CFAP74: variants seen among roughly 807,000 people sequenced by gnomAD.
The protein encoded by CFAP74 is cilia- and flagella-associated protein 74.
Under a neutral mutation model 188.9 loss-of-function variants are expected in CFAP74, and 124 were observed. The ratio of observed to expected loss-of-function variants is 0.66; its 90% CI spans 0.57 to 0.76. CFAP74 has a LOEUF of 0.76. CFAP74 is among the 30% of genes least tolerant of loss of function. The pLI, the probability that CFAP74 is intolerant of heterozygous loss-of-function variation, is 0.00. For missense variants in CFAP74, 2,198 were observed against 2,165.2 expected, an observed-to-expected ratio of 1.02 and a Z score of -0.30; for synonymous variants, 956 against 916.7, an observed-to-expected ratio of 1.04 and a Z score of -0.77.
Position 1,923,682 on chromosome 1 carries a change from C to T in CFAP74, c.4389+93G>A. 6 of 1,580,480 alleles carry T rather than the reference C, an allele frequency of 3.8e-6. No homozygotes were observed. Among genetic ancestry groups the T allele is most frequent in the East Asian group, 2.2e-5 (1 of 44,728 alleles). On this transcript the variant is annotated intron_variant, in intron 35 of 38. Coordinates refer to ENST00000682832, the MANE Select transcript of CFAP74 (RefSeq NM_001304360.2). This position sits in a 1 kb window ranked among gnomAD's most constrained non-coding sequence, Gnocchi z 6.3. ...CTGAGTCCCCCAGCCATGGTACCCT[C>T]AGGGCCTCCAAAGTGGAGCAGTGCA...
At chr1:1,938,611 T>C (rs1223551471) in intron 25 of CFAP74, among the ~76,000 whole-genome samples, 2 of 151,986 alleles carry the variant, frequency 1.3e-5, no homozygotes, top group Admixed American at 1.3e-4. Context: ...CTCATATACA[T>C]ACACACCCAC....
chr1:1,944,342 G>A lies in CFAP74; in HGVS notation c.2475C>T (p.Leu825=), dbSNP rs58650322. ...MYDRLYQDSV[L]VHTRSKAALR... The stretch of plus-strand genomic sequence containing the variant: ...AGGAGGGGGCTCACCGCGTGTGCAC[G>A]AGCACAGAGTCCTGGTAGAGCCGGT... Residue 825 remains leucine, a synonymous_variant, in exon 21 of 39, where the codon CTC becomes CTT. Transcript: ENST00000682832. 196 of 1,535,038 alleles carry A rather than the reference G, an allele frequency of 1.3e-4. No individual in the cohort carries two copies. The African/African-American group carries it at 2.3e-3, about 18-fold the overall frequency.
intron 23 of CFAP74, 38 bp downstream of exon 23, chr1:1,940,278 G>A: frequency 6.8e-7 from 1 of 1,477,680 alleles, no homozygotes; most frequent in Non-Finnish European, 9.1e-7. Context: ...TGCTACCCAG[G>A]AGCGCCCAGC....
chr1:1,922,652 G>A lies in CFAP74; in HGVS notation c.4755C>T (p.Gly1585=). 6.2e-7 allele frequency: 1 copy of A among 1,603,156 alleles called. No homozygotes were observed. The highest frequency in any genetic ancestry group is 1.1e-5 in the South Asian group (1 of 90,170). ...TCTTCGTCTGGCCGCGCTCCACGGA[G>A]CCCCTGGAGGGCTCAATAGAGAAAC... is the stretch of plus-strand genomic sequence containing the variant. ...HKGFSIEPSR[G]SVERGQTKTI... is the part of the protein sequence containing the mutation. The change falls in exon 38 of 39, where the codon GGC becomes GGT. Residue 1585 remains glycine, a synonymous_variant. Transcript: ENST00000682832.
At chr1:1,978,573 T>C (rs28588737) in intron 6 of CFAP74, among the ~76,000 whole-genome samples, 46,290 of 151,946 alleles carry the variant, frequency 0.3, 7,305 homozygotes, top group Non-Finnish European at 0.34. Flanking sequence ...AGATGGGACC[T>C]GGCTGGTTTT....
In CFAP74 at chr1:1,922,640, G is replaced by T; in HGVS notation, c.4767C>A (p.Arg1589=). 6.2e-7 allele frequency: 1 copy of T among 1,604,236 alleles called. No homozygotes were observed. Among genetic ancestry groups the T allele is most frequent in the Non-Finnish European group, 8.5e-7 (1 of 1,174,924 alleles). The change falls in exon 38 of 39, where the codon CGC becomes CGA. Residue 1589 remains arginine (R), a synonymous_variant. Transcript: ENST00000682832. ...SIEPSRGSVE[R]GQTKTISISW... ...AGATGCTGATGGTCTTCGTCTGGCC[G>T]CGCTCCACGGAGCCCCTGGAGGGCT...
chr1:1,969,916 C>T (rs867052427), intron 10 of CFAP74, among the ~76,000 whole-genome samples: 9 of 152,186 alleles, frequency 5.9e-5, no homozygotes, highest in Middle Eastern at 3.2e-3. Context: ...GCCAGGCTCC[C>T]GGGATGAGGG....
At chr1:1,953,276 T>A (rs1259067280) in intron 18 of CFAP74, 4 of 151,364 alleles carry the variant, frequency 2.6e-5, no homozygotes, top group Admixed American at 1.3e-4. Flanking sequence ...AAGCTCATGC[T>A]TATATGGTCA....
In CFAP74 at chr1:1,923,455, G is replaced by C; in HGVS notation, c.4434C>G (p.His1478Gln). 1 of 1,611,792 alleles carries C rather than the reference G, an allele frequency of 6.2e-7. No individual in the cohort carries two copies. The change falls in exon 36 of 39, where the codon CAC (histidine) becomes CAG (glutamine). Residue 1478 changes from histidine (H) to glutamine (Q), a missense_variant. His to Gln is a conservative substitution (Grantham distance 24). Coordinates refer to ENST00000682832, the MANE Select transcript of CFAP74 (RefSeq NM_001304360.2). This position sits in a 1 kb window ranked among gnomAD's most constrained non-coding sequence, Gnocchi z 6.3. ...QILLKGAACQ[H>Q]MMFVEGGDPL... is the part of the protein sequence containing the mutation. ...GGTCGCCGCCCTCCACGAACATCAT[G>C]TGCTGACAGGCGGCACCCTTCAGCA...
intron 11 of CFAP74, among the ~76,000 whole-genome samples, chr1:1,967,414 A>C (rs2102072532): frequency 6.6e-6 from 1 of 150,382 alleles, no homozygotes; most frequent in Middle Eastern, 3.4e-3. Context: ...GGTGCCACAG[A>C]AAATCGCAGG....
intron 34 of CFAP74, 150 bp from the exon 35 acceptor site, chr1:1,924,079 T>G: frequency 2.0e-6 from 1 of 491,518 alleles, no homozygotes; most frequent in Non-Finnish European, 3.0e-6. Context: ...CGCCCCCCAC[T>G]CCTCCCATGG....
chr1:1,938,205 T>TTA (rs1653061387), intron 25 of CFAP74, among the ~76,000 whole-genome samples: 8 of 124,662 alleles, frequency 6.4e-5, no homozygotes, highest in African/African-American at 2.3e-4. Context: ...AGTCACATGC[T>TTA]CACACATACA....
chr1:1,930,483 CGCT>C (rs1192978915), intron 25 of CFAP74, 147 bp from the exon 26 acceptor site: 1 of 756,114 alleles, frequency 1.3e-6, no homozygotes. Flanking sequence ...GTCACTGCGC[CGCT>C]GACAAGTTTC....
intron 37 of CFAP74, 106 bp downstream of exon 37, chr1:1,922,879 G>A: frequency 6.7e-7 from 1 of 1,492,292 alleles, no homozygotes; most frequent in Non-Finnish European, 8.9e-7. Context: ...AAGCCCGGCT[G>A]TCAGGACAAG....
intron 1 of CFAP74, among the ~76,000 whole-genome samples, chr1:1,994,068 G>A (rs962142058): frequency 1.8e-4 from 27 of 152,082 alleles, no homozygotes; most frequent in Middle Eastern, 3.4e-3. Context: ...AGGAGGCTGC[G>A]GTGGGAGGAT....
intron 25 of CFAP74, among the ~76,000 whole-genome samples, chr1:1,931,474 C>T (rs28888118): frequency 0.012 from 1,706 of 141,948 alleles, 34 homozygotes; most frequent in African/African-American, 0.04. Flanking sequence ...CAGTGGCTCA[C>T]GCCTGTAATC....
At chr1:1,944,106 T>C (rs1653576511) in intron 21 of CFAP74, among the ~76,000 whole-genome samples, 1 of 152,170 alleles carries the variant, frequency 6.6e-6, no homozygotes, top group Admixed American at 6.5e-5. Flanking sequence ...CCACACAGGA[T>C]GCCGTTCAGG....
rs760404211 is a variant in CFAP74, at chr1:1,938,941, CA to C, written c.2924del (p.Leu975ArgfsTer8). The C allele has an allele frequency of 5.5e-5, 85 of 1,536,160 alleles. No homozygotes were observed. In the South Asian group the frequency reaches 7.0e-4, roughly 13 times the overall value. On this transcript the variant is annotated frameshift_variant, in exon 25 of 39. Coordinates refer to ENST00000682832, the MANE Select transcript of CFAP74 (RefSeq NM_001304360.2). LOFTEE classifies it high-confidence loss of function. ...PNDGFGTILP[L>X]ETLQFCVIFQ... ...AGATCACACAGAACTGCAGCGTTTC[CA>C]GGGGCAGGATCGTCCCAAACCCATC...
intron 18 of CFAP74, 38 bp downstream of exon 18, chr1:1,955,652 CG>C (rs139735565): frequency 0.26 from 412,950 of 1,610,962 alleles, 54,726 homozygotes; most frequent in Non-Finnish European, 0.27. Context: ...AGGCCCTCAC[CG>C]CCCGCCCACC....
Sources: gnomAD v4.1 joint callset for allele counts (sites outside exome capture counted in the v4.1 genomes callset) on GRCh38, gnomAD v4.1.1 for gene constraint, Gnocchi (gnomAD v3.1) non-coding constraint, MANE v1.5 for transcripts, NCBI Gene and HGNC (gene_info 2026-07-23, HGNC 2026-07-21) for gene names.